MAGI2: variants seen among roughly 807,000 people sequenced by gnomAD.
MAGI2 encodes membrane-associated guanylate kinase, WW and PDZ domain-containing protein 2.
In MAGI2, 35 loss-of-function variants were observed where a neutral mutation model predicts 133.3. The observed-to-expected ratio is 0.26, with a 90% CI of 0.20 to 0.35. The LOEUF is 0.35. Among genes scored for constraint, MAGI2 ranks in the 10% least tolerant of loss-of-function variants. MAGI2 has a pLI of 1.00. For synonymous variants in MAGI2, 729 were observed against 710.6 expected, an observed-to-expected ratio of 1.03 and a Z score of -0.41; for missense variants, 1,636 against 1,863.4, an observed-to-expected ratio of 0.88 and a Z score of 2.25.
chr7:79,010,223 T>A (rs1202921348), intron 1 of MAGI2, among the ~76,000 whole-genome samples: 1 of 65,988 alleles, frequency 1.5e-5, no homozygotes. Context: ...TATGTATGTG[T>A]GATACATATG....
At chr7:79,177,560 C>T (rs1374962439) in intron 1 of MAGI2, among the ~76,000 whole-genome samples, 2 of 151,910 alleles carry the variant, frequency 1.3e-5, no homozygotes, top group African/African-American at 4.8e-5. Context: ...ATCACTATTT[C>T]AATTGTTGCA....
intron 2 of MAGI2, among the ~76,000 whole-genome samples, chr7:78,875,623 C>A (rs1428191036): frequency 1.3e-5 from 2 of 152,116 alleles, no homozygotes; most frequent in Admixed American, 6.6e-5. Context: ...CATGATTCTA[C>A]AAATGACAAA....
At chr7:78,170,348 A>G (rs1195585777) in intron 14 of MAGI2, 1 of 152,208 alleles carries the variant, frequency 6.6e-6, no homozygotes, top group Non-Finnish European at 1.5e-5. Flanking sequence ...TACTCTCAAC[A>G]TTACAGTGTG....
rs78305647 is a variant in MAGI2 at position 78,563,590 on chromosome 7, A to G, written c.539-41945T>C. Among the ~76,000 whole-genome samples the G allele has an allele frequency of 2.4e-3, 370 of 152,362 alleles. 1 individual carries two copies. Among genetic ancestry groups the G allele is most frequent in the African/African-American group, 8.4e-3 (349 of 41,586 alleles). Reference sequence around the variant, plus strand: ...AACTCAGTGCCATATGACCCCAGTCATCCACAGCCATGTTTTAAATCCCCT... The same window carrying G: ...AACTCAGTGCCATATGACCCCAGTCGTCCACAGCCATGTTTTAAATCCCCT... On this transcript the variant is annotated intron_variant, in intron 3 of 21. Transcript: ENST00000354212.
At chr7:79,248,940 T>C (rs1448584364) in intron 1 of MAGI2, among the ~76,000 whole-genome samples, 1 of 152,184 alleles carries the variant, frequency 6.6e-6, no homozygotes, top group Non-Finnish European at 1.5e-5. Flanking sequence ...CTCGGCTCAC[T>C]GCAACCTCTG....
At chr7:79,294,908 T>G (rs1478142080) in intron 1 of MAGI2, among the ~76,000 whole-genome samples, 13 of 145,282 alleles carry the variant, frequency 8.9e-5, no homozygotes, top group South Asian at 2.2e-4. Context: ...TTTTTGTACT[T>G]TTTTTTTTTT....
intron 10 of MAGI2, among the ~76,000 whole-genome samples, chr7:78,207,919 T>C (rs559323251): frequency 2.8e-4 from 43 of 152,192 alleles, no homozygotes; most frequent in African/African-American, 9.9e-4. Flanking sequence ...ACTCTGTCAC[T>C]CAGTGCAGTG....
chr7:78,437,028 A>G (rs1800357055), intron 6 of MAGI2, among the ~76,000 whole-genome samples: 1 of 152,190 alleles, frequency 6.6e-6, no homozygotes, highest in Non-Finnish European at 1.5e-5. Context: ...GTGATGACAC[A>G]GGATTACTTG....
chr7:78,093,496 T>A (rs1817430162), intron 20 of MAGI2, among the ~76,000 whole-genome samples: 1 of 152,128 alleles, frequency 6.6e-6, no homozygotes, highest in Admixed American at 6.5e-5. Flanking sequence ...CAATTACTTT[T>A]ACACCAACCT....
chr7:79,166,161 C>T (rs1824884152), intron 1 of MAGI2, among the ~76,000 whole-genome samples: 1 of 152,004 alleles, frequency 6.6e-6, no homozygotes, highest in African/African-American at 2.4e-5. Context: ...CCCAACATTC[C>T]CATGCCTTGA....
chr7:78,419,629 A>G (rs1208210743), intron 6 of MAGI2, among the ~76,000 whole-genome samples: 1 of 148,182 alleles, frequency 6.7e-6, no homozygotes, highest in Non-Finnish European at 1.5e-5. Context: ...TTTAAGGGAA[A>G]GGGCCCAAGA....
chr7:78,718,241 T>A (rs1056403818), intron 2 of MAGI2, among the ~76,000 whole-genome samples: 1 of 152,182 alleles, frequency 6.6e-6, no homozygotes, highest in Non-Finnish European at 1.5e-5. Context: ...CCATTGTATA[T>A]GCTCACTGTA....
chr7:79,395,322 A>G (rs557359532), intron 1 of MAGI2, among the ~76,000 whole-genome samples: 1 of 152,238 alleles, frequency 6.6e-6, no homozygotes, highest in Non-Finnish European at 1.5e-5. Context: ...TAATCAAAGG[A>G]AAGTGTAAAA....
chr7:78,904,807 C>CG (rs540752194), intron 2 of MAGI2, among the ~76,000 whole-genome samples: 61 of 152,058 alleles, frequency 4.0e-4, no homozygotes, highest in Non-Finnish European at 6.3e-4. Flanking sequence ...CCCTGGCCCC[C>CG]GGGCAATAAA....
At chr7:79,217,636 A>G (rs1830120189) in intron 1 of MAGI2, among the ~76,000 whole-genome samples, 1 of 152,060 alleles carries the variant, frequency 6.6e-6, no homozygotes, top group Non-Finnish European at 1.5e-5. Context: ...CTCTAAACTC[A>G]TTAGAATAGT....
chr7:79,245,269 C>T (rs1040404981), intron 1 of MAGI2, among the ~76,000 whole-genome samples: 1 of 152,198 alleles, frequency 6.6e-6, no homozygotes, highest in Non-Finnish European at 1.5e-5. Flanking sequence ...AAGGGGACTT[C>T]ATCTGTCAGC....
chr7:78,559,239 T>A (rs993652103), intron 3 of MAGI2, among the ~76,000 whole-genome samples: 3 of 127,304 alleles, frequency 2.4e-5, no homozygotes, highest in African/African-American at 9.2e-5. Flanking sequence ...TCCTTTCAGG[T>A]TTTTTTTTTT....
Position 78,019,096 on chromosome 7 carries a change from C to G in MAGI2, c.*219G>C, listed in dbSNP as rs913484960. On this transcript the variant is annotated 3_prime_UTR_variant, in exon 22 of 22. Transcript: ENST00000354212. ...GTTCTTCCATAGCTGCCAAAGCCCC[C>G]ACAAGGGAACCGGGGGCTTTAGGAT... is the stretch of plus-strand genomic sequence containing the variant. 3 of 479,900 alleles carry G rather than the reference C, an allele frequency of 6.3e-6. No individual in the cohort carries two copies. Among genetic ancestry groups the G allele is most frequent in the Non-Finnish European group, 1.1e-5 (3 of 274,794 alleles). 29.7% of individuals were successfully genotyped at this position (479,900 alleles called of 1,614,324 possible).
intron 1 of MAGI2, among the ~76,000 whole-genome samples, chr7:79,031,055 A>G (rs951365196): frequency 6.6e-5 from 10 of 152,180 alleles, no homozygotes; most frequent in African/African-American, 2.4e-4. Context: ...AGTTAGATAT[A>G]GCAATCATGT....
Sources: gnomAD v4.1 joint callset for allele counts (sites outside exome capture counted in the v4.1 genomes callset) on GRCh38, gnomAD v4.1.1 for gene constraint, MANE v1.5 for transcripts, NCBI Gene and HGNC (gene_info 2026-07-23, HGNC 2026-07-21) for gene names.